The following LRRFIP2 variants were observed in gnomAD, a reference collection of about 807,000 sequenced individuals.
The protein encoded by LRRFIP2 is leucine-rich repeat flightless-interacting protein 2.
A neutral mutation model predicts 125.9 loss-of-function variants in LRRFIP2; 109 were observed. The observed-to-expected ratio is 0.87, with a 90% CI of 0.74 to 1.01. The LOEUF is 1.01. Ranked by LOEUF, LRRFIP2 falls within the 50% of genes least tolerant of loss-of-function variation. LRRFIP2 has a pLI of 0.00. For missense variants in LRRFIP2, 850 were observed against 862.3 expected (o/e 0.99, Z 0.18); for synonymous variants, 291 against 293.1 (o/e 0.99, Z 0.07).
At chr3:37,094,445 C>A (rs887905370) in intron 17 of LRRFIP2, among the ~76,000 whole-genome samples, 1 of 152,180 alleles carries the variant, frequency 6.6e-6, no homozygotes, top group East Asian at 1.9e-4. Context: ...ATAATTCCCA[C>A]AATCTAGTTC....
At chr3:37,159,109 C>T (rs2096271166) in intron 1 of LRRFIP2, among the ~76,000 whole-genome samples, 1 of 152,108 alleles carries the variant, frequency 6.6e-6, no homozygotes. Flanking sequence ...CTAAGAGTTT[C>T]AGTTTTACCT....
At chr3:37,110,381 T>TA (rs1447748992) in intron 9 of LRRFIP2, among the ~76,000 whole-genome samples, 1 of 152,164 alleles carries the variant, frequency 6.6e-6, no homozygotes, top group Non-Finnish European at 1.5e-5. Flanking sequence ...AGATGAAAAA[T>TA]AAGAGTACTT....
At chr3:37,072,947 G>A in intron 20 of LRRFIP2, 65 bp from the exon 21 acceptor site, 1 of 1,044,634 alleles carries the variant, frequency 9.6e-7, no homozygotes, top group Non-Finnish European at 1.4e-6. Context: ...GAGGTTTGAG[G>A]GAGGAAACAA....
At chr3:37,095,360 G>C (rs1299982982) in intron 16 of LRRFIP2, among the ~76,000 whole-genome samples, 1 of 152,150 alleles carries the variant, frequency 6.6e-6, no homozygotes, top group Non-Finnish European at 1.5e-5. Flanking sequence ...TAAAGGTGAA[G>C]ATACTATTTG....
chr3:37,077,375 T>C (rs1215951292), intron 19 of LRRFIP2, among the ~76,000 whole-genome samples: 1 of 152,220 alleles, frequency 6.6e-6, no homozygotes, highest in East Asian at 1.9e-4. Context: ...GATATCTCTA[T>C]ACAACATTCA....
At chr3:37,156,704 G>C (rs74739043) in intron 1 of LRRFIP2, among the ~76,000 whole-genome samples, 1 of 61,330 alleles carries the variant, frequency 1.6e-5, no homozygotes, top group Non-Finnish European at 3.7e-5. Context: ...AAAAAAAAAA[G>C]AAGTGTGGAT....
chr3:37,056,851 G>A (rs2087034288), intron 25 of LRRFIP2, among the ~76,000 whole-genome samples: 1 of 152,152 alleles, frequency 6.6e-6, no homozygotes, highest in Non-Finnish European at 1.5e-5. Context: ...TTCAGGATCT[G>A]ATTTTTAAAT....
chr3:37,096,707 G>A, intron 15 of LRRFIP2, 47 bp from the exon 16 acceptor site: 1 of 1,163,994 alleles, frequency 8.6e-7, no homozygotes, highest in South Asian at 1.4e-5. Flanking sequence ...TTAGCAAGTT[G>A]ACTTTTTTTG....
intron 19 of LRRFIP2, among the ~76,000 whole-genome samples, chr3:37,077,776 C>G (rs1184122588): frequency 6.6e-6 from 1 of 152,062 alleles, no homozygotes; most frequent in Non-Finnish European, 1.5e-5. Flanking sequence ...TAGATGAATG[C>G]ATAAGCAAAA....
At chr3:37,054,073 C>G (rs1433435454) in intron 27 of LRRFIP2, 112 bp from the exon 28 acceptor site, 1 of 721,242 alleles carries the variant, frequency 1.4e-6, no homozygotes, top group Non-Finnish European at 2.5e-6. Flanking sequence ...TGGCCTTGCA[C>G]AGGACCCACA....
At chr3:37,169,996 G>A (rs546314970) in intron 1 of LRRFIP2, among the ~76,000 whole-genome samples, 1 of 151,974 alleles carries the variant, frequency 6.6e-6, no homozygotes, top group East Asian at 1.9e-4. Context: ...GACAGAGAAG[G>A]GAAAATAAGA....
In LRRFIP2 at chr3:37,094,870, T is replaced by C. The variant is rs748664932; in HGVS notation, c.957A>G (p.Leu319=). 1.9e-6 allele frequency: 3 copies of C among 1,613,802 alleles called. No homozygotes were observed. In the East Asian group the frequency reaches 6.7e-5, roughly 36 times the overall value. ...SRNSASATTP[L]SGNSSRRGSG... The stretch of plus-strand genomic sequence containing the variant: ...TTCCTCGTCTGGATGAGTTTCCACT[T>C]AGAGGGGTTGTTGCTGAGGCAGAAT... The change falls in exon 17 of 28, where the codon CTA becomes CTG. Residue 319 remains leucine, a synonymous_variant. Transcript: ENST00000336686.
chr3:37,083,567 T>A (rs1210849332), intron 19 of LRRFIP2, 69 bp downstream of exon 19: 1 of 1,175,094 alleles, frequency 8.5e-7, no homozygotes. Flanking sequence ...TATGCTGCAA[T>A]CTTCCATCAC....
At chr3:37,135,055 T>C (rs879169092) in intron 2 of LRRFIP2, 1 of 1,412,974 alleles carries the variant, frequency 7.1e-7, no homozygotes, top group Non-Finnish European at 1.0e-6. Context: ...TAGACAGACG[T>C]AAAAGTACAA....
intron 18 of LRRFIP2, among the ~76,000 whole-genome samples, chr3:37,089,740 C>A (rs947940474): frequency 6.6e-5 from 10 of 152,242 alleles, no homozygotes; most frequent in Admixed American, 6.5e-4. Flanking sequence ...GCCCCTGAAT[C>A]ACATGATTGC....
intron 21 of LRRFIP2, among the ~76,000 whole-genome samples, chr3:37,072,501 C>CAAAAAA (rs907848276): frequency 2.6e-4 from 9 of 34,464 alleles, no homozygotes; most frequent in Middle Eastern, 0.013. Context: ...GACTCCGTCT[C>CAAAAAA]AAAAAAAAAA....
chr3:37,109,542 C>T lies in LRRFIP2; in HGVS notation c.594G>A (p.Leu198=), dbSNP rs569038848. The T allele has an allele frequency of 9.9e-6, 16 of 1,613,906 alleles. No homozygotes were observed. The highest frequency in any genetic ancestry group is 1.4e-5 in the Non-Finnish European group (16 of 1,179,934). The change falls in exon 11 of 28, where the codon CTG becomes CTA. Residue 198 remains leucine (L), a synonymous_variant. Transcript: ENST00000336686. ...AAATACAAACCAGACTGGCACTTCT[C>T]AGCAGACCAGAATTTGCAGTAGGAG... ...RASPTANSGL[L]RSASLASLYN...
chr3:37,094,581 A>C (rs2093629889), intron 17 of LRRFIP2, among the ~76,000 whole-genome samples: 1 of 152,174 alleles, frequency 6.6e-6, no homozygotes, highest in Non-Finnish European at 1.5e-5. Flanking sequence ...AACACCATTA[A>C]ATTTACAGGA....
At chr3:37,115,685 T>C (rs887970811) in intron 6 of LRRFIP2, among the ~76,000 whole-genome samples, 4 of 152,234 alleles carry the variant, frequency 2.6e-5, no homozygotes, top group South Asian at 2.1e-4. Flanking sequence ...CTGGTCAATG[T>C]GTGAACTGCA....
Sources: gnomAD v4.1 joint callset for allele counts (sites outside exome capture counted in the v4.1 genomes callset) on GRCh38, gnomAD v4.1.1 for gene constraint, MANE v1.5 for transcripts, NCBI Gene and HGNC (gene_info 2026-07-23, HGNC 2026-07-21) for gene names.